DEPDC7: variants seen among roughly 807,000 people sequenced by gnomAD.
DEPDC7 encodes DEP domain containing 7.
In DEPDC7, 41 loss-of-function variants were observed where a neutral mutation model predicts 56.6. The ratio of observed to expected loss-of-function variants is 0.72; its 90% CI spans 0.56 to 0.94. The LOEUF (loss-of-function observed/expected upper bound fraction) is 0.94, where lower values mean the gene tolerates loss of function less well. Ranked by LOEUF, DEPDC7 falls within the 40% of genes least tolerant of loss-of-function variation. The pLI is 0.00. For synonymous variants in DEPDC7, 185 were observed against 208.8 expected, an observed-to-expected ratio of 0.89 and a Z score of 0.98; for missense variants, 522 against 596.3, an observed-to-expected ratio of 0.88 and a Z score of 1.30.
At chr11:33,023,220 ACT>A (rs930759566) in intron 1 of DEPDC7, among the ~76,000 whole-genome samples, 3 of 148,432 alleles carry the variant, frequency 2.0e-5, no homozygotes, top group African/African-American at 7.5e-5. Context: ...ACAGAGAGGG[ACT>A]CTGTCTCAAA....
chr11:33,020,747 C>T (rs2133658526), intron 1 of DEPDC7, among the ~76,000 whole-genome samples: 1 of 152,346 alleles, frequency 6.6e-6, no homozygotes, highest in Middle Eastern at 3.4e-3. Context: ...AAGCAATCTT[C>T]CCGCCATGGC....
chr11:33,024,464 A>G (rs1853556588), intron 1 of DEPDC7, among the ~76,000 whole-genome samples: 2 of 150,898 alleles, frequency 1.3e-5, no homozygotes, highest in Non-Finnish European at 1.5e-5. Context: ...AATCATGCGT[A>G]GTGTAATGAC....
intron 2 of DEPDC7, chr11:33,026,536 G>GC: frequency 9.8e-6 from 2 of 203,294 alleles, no homozygotes; most frequent in African/African-American, 2.3e-5. Context: ...CTGTGCAGTG[G>GC]TGACACAGAG....
At chr11:33,017,239 G>A (rs1219964758) in intron 1 of DEPDC7, among the ~76,000 whole-genome samples, 2 of 152,170 alleles carry the variant, frequency 1.3e-5, no homozygotes, top group Non-Finnish European at 2.9e-5. Context: ...GAAGACAAAT[G>A]CTAAGACATT....
chr11:33,024,766 A>G (rs1181658963), intron 1 of DEPDC7, among the ~76,000 whole-genome samples: 1 of 150,082 alleles, frequency 6.7e-6, no homozygotes, highest in African/African-American at 2.5e-5. Flanking sequence ...TATGTGGTCC[A>G]TCGTTGACAG....
intron 1 of DEPDC7, among the ~76,000 whole-genome samples, chr11:33,022,474 A>G (rs1456727145): frequency 6.6e-6 from 1 of 152,226 alleles, no homozygotes; most frequent in African/African-American, 2.4e-5. Flanking sequence ...TCCTCAAAAT[A>G]GGATTATTAA....
chr11:33,026,245 C>T (rs1447566423), intron 2 of DEPDC7, 196 bp downstream of exon 2: 4 of 610,238 alleles, frequency 6.6e-6, no homozygotes, highest in Admixed American at 2.9e-5. Flanking sequence ...TTATATTTAG[C>T]AGAAGCAGTC....
chr11:33,019,743 A>G (rs192689375), intron 1 of DEPDC7, among the ~76,000 whole-genome samples: 131 of 152,354 alleles, frequency 8.6e-4, no homozygotes, highest in African/African-American at 3.1e-3. Context: ...CAATTGTATT[A>G]TATTGAGGCA....
chr11:33,033,241 T>C (rs746466887), intron 8 of DEPDC7, 21 bp from the exon 9 acceptor site: 2 of 1,533,150 alleles, frequency 1.3e-6, no homozygotes, highest in Non-Finnish European at 8.8e-7. Flanking sequence ...TTAACTGAAC[T>C]TTTTACTTTT....
chr11:33,017,489 T>G (rs1853476222), intron 1 of DEPDC7, among the ~76,000 whole-genome samples: 1 of 152,184 alleles, frequency 6.6e-6, no homozygotes, highest in African/African-American at 2.4e-5. Context: ...AGAGTTGAAG[T>G]GCTGGTTATC....
At chr11:33,024,075 GA>G (rs1036703334) in intron 1 of DEPDC7, among the ~76,000 whole-genome samples, 9 of 152,104 alleles carry the variant, frequency 5.9e-5, no homozygotes, top group African/African-American at 2.2e-4. Flanking sequence ...TTTATGAAAG[GA>G]AAAAAGGGAG....
At chr11:33,016,422 A>G (rs1487484695) in intron 1 of DEPDC7, 3 of 1,542,958 alleles carry the variant, frequency 1.9e-6, no homozygotes, top group Non-Finnish European at 1.7e-6. Flanking sequence ...CCCTGTCTCA[A>G]CCACAAACCT....
In DEPDC7 at chr11:33,033,244, T is replaced by C; in HGVS notation, c.1343-18T>C. ...GGAATTGAGTCATTAACTGAACTTT[T>C]TACTTTTAAACTTTAAGGATATATT... is the stretch of plus-strand genomic sequence containing the variant. On this transcript the variant is annotated intron_variant, in intron 8 of 8. Transcript: ENST00000241051. The C allele has an allele frequency of 6.5e-7, 1 of 1,542,360 alleles. No homozygotes were observed. Among genetic ancestry groups the C allele is most frequent in the Non-Finnish European group, 8.8e-7 (1 of 1,140,858 alleles).
At chr11:33,033,107 C>G in intron 8 of DEPDC7, 140 bp downstream of exon 8, 1 of 920,702 alleles carries the variant, frequency 1.1e-6, no homozygotes, top group Non-Finnish European at 1.6e-6. Context: ...TACAAAGCAA[C>G]TTTACAAGTG....
chr11:33,016,648 A>C (rs1853465723), intron 1 of DEPDC7: 1 of 1,561,880 alleles, frequency 6.4e-7, no homozygotes, highest in African/African-American at 1.4e-5. Flanking sequence ...GGCTAAAAAA[A>C]CAGTTACATG....
At chr11:33,028,059 T>C in intron 3 of DEPDC7, 1 of 331,442 alleles carries the variant, frequency 3.0e-6, no homozygotes, top group Non-Finnish European at 5.4e-6. Context: ...CTGAGATGTT[T>C]TGCATGCAGA....
chr11:33,030,062 C>T (rs1853616865), intron 4 of DEPDC7, among the ~76,000 whole-genome samples: 1 of 152,054 alleles, frequency 6.6e-6, no homozygotes, highest in South Asian at 2.1e-4. Flanking sequence ...CGGGTTCAAG[C>T]GATTCTTCTG....
At chr11:33,024,730 A>G (rs571622726) in intron 1 of DEPDC7, among the ~76,000 whole-genome samples, 1 of 151,702 alleles carries the variant, frequency 6.6e-6, no homozygotes, top group South Asian at 2.1e-4. Context: ...TTTAAGCTCC[A>G]TTATAATTGT....
At chr11:33,017,895 T>A (rs1853480628) in intron 1 of DEPDC7, among the ~76,000 whole-genome samples, 1 of 152,248 alleles carries the variant, frequency 6.6e-6, no homozygotes, top group African/African-American at 2.4e-5. Context: ...AGTAGTCTGT[T>A]ATCCTGTTAT....
Sources: gnomAD v4.1 joint callset for allele counts (sites outside exome capture counted in the v4.1 genomes callset) on GRCh38, gnomAD v4.1.1 for gene constraint, MANE v1.5 for transcripts, NCBI Gene and HGNC (gene_info 2026-07-23, HGNC 2026-07-21) for gene names.